Variants in HSD17B12 observed in about 807,000 individuals in gnomAD.
HSD17B12 encodes the protein hydroxysteroid 17-beta dehydrogenase 12.
In HSD17B12, 32 loss-of-function variants were observed where a neutral mutation model predicts 39.3. The ratio of observed to expected loss-of-function variants is 0.81; its 90% CI spans 0.61 to 1.09. The LOEUF (loss-of-function observed/expected upper bound fraction) is 1.09. Among genes scored for constraint, HSD17B12 ranks in the 50% least tolerant of loss-of-function variants. The pLI, the probability that HSD17B12 is intolerant of heterozygous loss-of-function variation, is 0.00. For missense variants in HSD17B12, 342 were observed against 382.9 expected (o/e 0.89, Z 0.89); for synonymous variants, 150 against 146.7 (o/e 1.02, Z -0.16).
At chr11:43,682,984 G>T (rs973489580) in intron 1 of HSD17B12, among the ~76,000 whole-genome samples, 1 of 151,768 alleles carries the variant, frequency 6.6e-6, no homozygotes, top group Non-Finnish European at 1.5e-5. Context: ...TAGAGACAAG[G>T]CCTCACTCTG....
intron 3 of HSD17B12, among the ~76,000 whole-genome samples, chr11:43,784,626 C>G (rs150327500): frequency 1.7e-3 from 254 of 152,140 alleles, no homozygotes; most frequent in African/African-American, 5.7e-3. Context: ...TCTGATGAAC[C>G]AGGGTGGCAA....
chr11:43,638,120 G>A, the HSD17B12 span, among the ~76,000 whole-genome samples: 2 of 152,078 alleles, frequency 1.3e-5, no homozygotes, highest in Admixed American at 6.6e-5. Context: ...GTCCAAATTC[G>A]GGTGCTTATA....
chr11:43,635,757 A>G, the HSD17B12 span, among the ~76,000 whole-genome samples: 1 of 147,872 alleles, frequency 6.8e-6, no homozygotes, highest in Non-Finnish European at 1.5e-5. Context: ...GATTTGAATG[A>G]TCTTTGGAAT....
At chr11:43,653,907 C>A in the HSD17B12 span, among the ~76,000 whole-genome samples, 6 of 151,736 alleles carry the variant, frequency 4.0e-5, no homozygotes, top group Non-Finnish European at 5.9e-5. Context: ...ATCCTATGTA[C>A]CCAGTAATGG....
intron 6 of HSD17B12, among the ~76,000 whole-genome samples, chr11:43,816,846 T>C (rs752054174): frequency 3.3e-4 from 50 of 152,000 alleles, no homozygotes; most frequent in Admixed American, 5.3e-4. Context: ...AGTTCCCACT[T>C]ATAAGTGAGA....
intron 3 of HSD17B12, among the ~76,000 whole-genome samples, chr11:43,775,707 A>G (rs1950695288): frequency 6.6e-6 from 1 of 151,632 alleles, no homozygotes. Flanking sequence ...TGCTGCACCC[A>G]CTAACTCGTC....
At chr11:43,777,198 G>C (rs901021706) in intron 3 of HSD17B12, among the ~76,000 whole-genome samples, 2 of 151,648 alleles carry the variant, frequency 1.3e-5, no homozygotes, top group Non-Finnish European at 2.9e-5. Context: ...GCCTTGGGCA[G>C]TATGGCCATT....
chr11:43,584,211 G>A, the HSD17B12 span, among the ~76,000 whole-genome samples: 25 of 152,150 alleles, frequency 1.6e-4, no homozygotes, highest in Non-Finnish European at 3.2e-4. Context: ...TCCCGGACCT[G>A]TGGTTGCTTT....
chr11:43,695,438 C>T (rs954976869), intron 1 of HSD17B12, among the ~76,000 whole-genome samples: 2 of 151,852 alleles, frequency 1.3e-5, no homozygotes, highest in South Asian at 2.1e-4. Context: ...ATTAGCTGGG[C>T]GTGGTGGTGC....
At chr11:43,646,613 G>A in the HSD17B12 span, among the ~76,000 whole-genome samples, 768 of 152,258 alleles carry the variant, frequency 5.0e-3, 6 homozygotes, top group African/African-American at 0.018. Context: ...TTCATTAGAG[G>A]GTGCTTTGAA....
At chr11:43,726,739 C>T (rs559202397) in intron 1 of HSD17B12, among the ~76,000 whole-genome samples, 20 of 152,294 alleles carry the variant, frequency 1.3e-4, no homozygotes, top group African/African-American at 4.8e-4. Context: ...TCTTATAGAA[C>T]AAATATTATG....
At position 43,703,077 on chromosome 11, in the gene HSD17B12, G is replaced by C. The variant is rs193279678; in HGVS notation, c.160+22090G>C. The stretch of plus-strand genomic sequence containing the variant: ...ACCTCTGTCTAGTTTTGGTATCAAA[G>C]TAATACTGGCCTCATAGAAAGTGTT... On this transcript the variant is annotated intron_variant, in intron 1 of 10. Transcript: ENST00000278353. Among the ~76,000 whole-genome samples, 274 of 152,254 alleles carry C rather than the reference G, an allele frequency of 1.8e-3. 2 individuals carry two copies. Among genetic ancestry groups the C allele is most frequent in the African/African-American group, 6.3e-3 (261 of 41,560 alleles).
At chr11:43,564,683 A>G in the HSD17B12 span, among the ~76,000 whole-genome samples, 3 of 152,180 alleles carry the variant, frequency 2.0e-5, no homozygotes, top group South Asian at 4.1e-4. Context: ...CAAAACATTA[A>G]CAATTCTCTT....
chr11:43,609,417 G>A, the HSD17B12 span, among the ~76,000 whole-genome samples: 1 of 151,488 alleles, frequency 6.6e-6, no homozygotes, highest in Non-Finnish European at 1.5e-5. Flanking sequence ...CCAGGCTGGA[G>A]TGCAGTGGTG....
At chr11:43,736,753 C>T (rs1007816398) in intron 1 of HSD17B12, among the ~76,000 whole-genome samples, 138 of 152,264 alleles carry the variant, frequency 9.1e-4, no homozygotes, top group African/African-American at 2.9e-3. Context: ...TATTAACTTG[C>T]ACCCTGCATG....
the HSD17B12 span, among the ~76,000 whole-genome samples, chr11:43,570,790 A>C: frequency 6.6e-6 from 1 of 152,180 alleles, no homozygotes; most frequent in Non-Finnish European, 1.5e-5. Flanking sequence ...CCATACCTAG[A>C]AAGTGTATTT....
At chr11:43,596,072 A>G in the HSD17B12 span, among the ~76,000 whole-genome samples, 2 of 152,096 alleles carry the variant, frequency 1.3e-5, no homozygotes, top group Non-Finnish European at 2.9e-5. Context: ...TTTGTTTTTT[A>G]TAGGGGAAAG....
intron 6 of HSD17B12, among the ~76,000 whole-genome samples, chr11:43,818,971 C>T (rs1417818162): frequency 2.6e-5 from 4 of 152,262 alleles, no homozygotes; most frequent in Admixed American, 6.5e-5. Context: ...AAATGACCAA[C>T]GTGTACTATT....
chr11:43,623,828 A>G, the HSD17B12 span, among the ~76,000 whole-genome samples: 7 of 152,092 alleles, frequency 4.6e-5, no homozygotes, highest in African/African-American at 1.4e-4. Context: ...TCACCACTGC[A>G]TAAAATGTCA....
Sources: allele counts gnomAD v4.1 joint callset (sites outside exome capture counted in the v4.1 genomes callset), GRCh38; gene constraint gnomAD v4.1.1; transcripts MANE v1.5; gene names NCBI Gene and HGNC (gene_info 2026-07-23, HGNC 2026-07-21).